GSAP: variants seen among roughly 807,000 people sequenced by gnomAD.
The protein encoded by GSAP is gamma-secretase activating protein.
In GSAP, 118 loss-of-function variants were observed where a neutral mutation model predicts 131.7. The observed-to-expected ratio is 0.90, with a 90% CI of 0.77 to 1.04. The LOEUF is 1.04. Ranked by LOEUF, GSAP falls within the 50% of genes least tolerant of loss-of-function variation. The pLI is 0.00. For synonymous variants in GSAP, 381 were observed against 363.4 expected (o/e 1.05, Z -0.55); for missense variants, 1,019 against 1,013.2 (o/e 1.01, Z -0.08).
At chr7:77,330,591 T>G (rs28674557) in intron 19 of GSAP, 154,471 of 1,057,788 alleles carry the variant, frequency 0.15, 11,977 homozygotes, top group East Asian at 0.4. Context: ...TTTTTTTTTT[T>G]TTGTCGTTGT....
chr7:77,312,500 CT>C (rs1373953612), intron 28 of GSAP, among the ~76,000 whole-genome samples: 11 of 152,164 alleles, frequency 7.2e-5, no homozygotes, highest in Admixed American at 6.5e-4. Flanking sequence ...CATGCCAACT[CT>C]GATGTTTTGA....
At chr7:77,393,100 T>C (rs1201174222) in intron 5 of GSAP, among the ~76,000 whole-genome samples, 1 of 152,100 alleles carries the variant, frequency 6.6e-6, no homozygotes, top group East Asian at 1.9e-4. Context: ...GTAAAGTATG[T>C]GGATCAAAGA....
chr7:77,363,968 A>G (rs974375789), intron 12 of GSAP, among the ~76,000 whole-genome samples: 6 of 152,204 alleles, frequency 3.9e-5, no homozygotes, highest in African/African-American at 1.2e-4. Context: ...GCTTTCATAC[A>G]GTAAACATTA....
intron 19 of GSAP, among the ~76,000 whole-genome samples, chr7:77,340,693 C>T (rs548821260): frequency 1.3e-5 from 2 of 152,202 alleles, no homozygotes; most frequent in South Asian, 2.1e-4. Flanking sequence ...GGTGTTTAAT[C>T]GCTGCGGGGA....
chr7:77,330,408 C>T (rs1788926248), intron 19 of GSAP, 41 bp from the exon 20 acceptor site: 1 of 1,603,318 alleles, frequency 6.2e-7, no homozygotes, highest in African/African-American at 1.3e-5. Context: ...AGAGGCAGGC[C>T]CAGTGGCCCA....
At chr7:77,332,162 TCTAA>T (rs937156942) in intron 19 of GSAP, among the ~76,000 whole-genome samples, 1 of 152,142 alleles carries the variant, frequency 6.6e-6, no homozygotes, top group Non-Finnish European at 1.5e-5. Context: ...TCAGATGCCC[TCTAA>T]CTGTCATCTG....
chr7:77,396,147 A>C (rs1424715120), intron 5 of GSAP, among the ~76,000 whole-genome samples: 2 of 152,208 alleles, frequency 1.3e-5, no homozygotes, highest in Non-Finnish European at 2.9e-5. Context: ...CCCTTCTTGA[A>C]AGTCCCCCAT....
At chr7:77,401,068 G>A (rs1439729600) in intron 3 of GSAP, among the ~76,000 whole-genome samples, 1 of 149,200 alleles carries the variant, frequency 6.7e-6, no homozygotes, top group Non-Finnish European at 1.5e-5. Context: ...AAAAATAAAA[G>A]AAACAGAACC....
rs57442782 is a variant in GSAP, at chr7:77,334,580, T to TAAA, written c.1546-4216_1546-4214dup. Reference sequence around the variant, plus strand: ...CCCATGTATCCTGGAACTTAAAATTTAAAAAAAAAAAAAAAAAAAAAAAAA... The same window carrying TAAA: ...CCCATGTATCCTGGAACTTAAAATTTAAAAAAAAAAAAAAAAAAAAAAAAAAAA... On this transcript the variant is annotated intron_variant, in intron 19 of 30. Transcript: ENST00000257626. Among the ~76,000 whole-genome samples, 709 of 81,944 alleles carry TAAA rather than the reference T, an allele frequency of 8.7e-3. 31 individuals are homozygous for TAAA. Among genetic ancestry groups the TAAA allele is most frequent in the African/African-American group, 0.014 (283 of 20,200 alleles). 53.8% of individuals were successfully genotyped at this position (81,944 alleles called of 152,430 possible).
At chr7:77,373,210 C>T (rs769661939) in intron 12 of GSAP, among the ~76,000 whole-genome samples, 1 of 152,142 alleles carries the variant, frequency 6.6e-6, no homozygotes, top group Non-Finnish European at 1.5e-5. Flanking sequence ...TATTTAAATA[C>T]TAAGTGTGCA....
Position 77,312,157 on chromosome 7 carries a change from A to G in GSAP, c.2317T>C (p.Ser773Pro). The change falls in exon 29 of 31, where the codon TCT becomes CCT. Residue 773 changes from serine (S) to proline (P), a missense_variant. Ser to Pro is a moderately conservative substitution (Grantham distance 74). Coordinates refer to ENST00000257626, the MANE Select transcript of GSAP (RefSeq NM_017439.4). ...ACGTGGTTCCGCGAAATGATGTTAG[A>G]ACTCATAGGATGATCCCAAAGTCTA... ...ICRLWDHPMS[S>P]NIISRNHVTR... is the part of the protein sequence containing the mutation. The G allele has an allele frequency of 1.2e-6, 2 of 1,604,578 alleles. No homozygotes were observed. The highest frequency in any genetic ancestry group is 1.7e-6 in the Non-Finnish European group (2 of 1,176,744).
chr7:77,350,400 G>A (rs2150833831), intron 18 of GSAP, among the ~76,000 whole-genome samples: 1 of 149,244 alleles, frequency 6.7e-6, no homozygotes, highest in South Asian at 2.1e-4. Context: ...TTGTGCACAT[G>A]TACCCTAAAA....
At chr7:77,415,598 T>C (rs986132248) in intron 1 of GSAP, 1 of 151,928 alleles carries the variant, frequency 6.6e-6, no homozygotes, top group African/African-American at 2.4e-5. Flanking sequence ...CGGGGGCGGC[T>C]GGGGGCTCTC....
rs918617866 is a variant in GSAP, at chr7:77,359,132, C to T, written c.1027+1692G>A. On this transcript the variant is annotated intron_variant, in intron 14 of 30. Transcript: ENST00000257626. ...CAGTGGGAACCTTGAACCCCGGAGG[C>T]GGAAGTTACAGTGAGCTGAAATTGC... Among the ~76,000 whole-genome samples the T allele has an allele frequency of 4.6e-5, 7 of 151,960 alleles. No individual in the cohort carries two copies. The South Asian group carries it at 6.2e-4, about 14-fold the overall frequency.
intron 3 of GSAP, among the ~76,000 whole-genome samples, chr7:77,398,868 C>A (rs1225215170): frequency 1.3e-5 from 2 of 152,168 alleles, no homozygotes; most frequent in South Asian, 4.1e-4. Flanking sequence ...TATATTTATG[C>A]ACTTATATTA....
intron 8 of GSAP, among the ~76,000 whole-genome samples, chr7:77,379,594 C>T (rs1797485117): frequency 6.6e-6 from 1 of 152,056 alleles, no homozygotes; most frequent in Non-Finnish European, 1.5e-5. Flanking sequence ...TCTCTTTTTG[C>T]TCTCAAGCCC....
chr7:77,371,573 TACA>T (rs774845929), intron 12 of GSAP, among the ~76,000 whole-genome samples: 21 of 152,062 alleles, frequency 1.4e-4, no homozygotes, highest in Non-Finnish European at 2.8e-4. Context: ...TAGCTGGGAC[TACA>T]GGCACGTGCC....
At chr7:77,406,179 G>A in intron 1 of GSAP, 74 bp from the exon 2 acceptor site, 1 of 846,028 alleles carries the variant, frequency 1.2e-6, no homozygotes, top group South Asian at 4.0e-5. Context: ...ATTAGTGAAG[G>A]AAGCCAAATA....
rs199828273 is a variant in GSAP at position 77,330,231 on chromosome 7, A to C, written c.1674+8T>G. On this transcript the variant is annotated splice_region_variant and intron_variant, in intron 20 of 30. Transcript: ENST00000257626. The stretch of plus-strand genomic sequence containing the variant: ...CTGCTGGCTTTGTTCTCACTGACCC[A>C]CTCATACCTCTTCAGAGATCAGGTT... 2.0e-4 allele frequency: 326 copies of C among 1,609,988 alleles called. No individual in the cohort carries two copies. Among genetic ancestry groups the C allele is most frequent in the Non-Finnish European group, 2.6e-4 (311 of 1,177,942 alleles).
Sources: gnomAD v4.1 joint callset for allele counts (sites outside exome capture counted in the v4.1 genomes callset) on GRCh38, gnomAD v4.1.1 for gene constraint, MANE v1.5 for transcripts, NCBI Gene and HGNC (gene_info 2026-07-23, HGNC 2026-07-21) for gene names.